MYH3: variants seen among roughly 807,000 people sequenced by gnomAD.
The protein encoded by MYH3 is myosin heavy chain 3.
Under a neutral mutation model 238.0 loss-of-function variants are expected in MYH3, and 130 were observed. The ratio of observed to expected loss-of-function variants is 0.55; its 90% CI spans 0.47 to 0.63. The LOEUF (loss-of-function observed/expected upper bound fraction) is 0.63. MYH3 is among the 30% of genes least tolerant of loss of function. The probability of loss-of-function intolerance (pLI) is 0.00; values close to 1 mark genes in which losing one functional copy is unlikely to be tolerated. For missense variants in MYH3, 1,853 were observed against 2,374.9 expected, an observed-to-expected ratio of 0.78 and a Z score of 4.57; for synonymous variants, 880 against 924.1, an observed-to-expected ratio of 0.95 and a Z score of 0.86.
Position 10,633,687 on chromosome 17 carries a change from A to G in MYH3, c.4551T>C (p.Ile1517=), listed in dbSNP as rs760603613. 9.9e-6 allele frequency: 16 copies of G among 1,613,936 alleles called. No individual in the cohort carries two copies. The Admixed American group carries it at 2.3e-4, about 24-fold the overall frequency. Residue 1517 remains isoleucine (I), a synonymous_variant, in exon 33 of 41, where the codon ATT becomes ATC. Coordinates refer to ENST00000583535, the MANE Select transcript of MYH3 (RefSeq NM_002470.4). The part of the protein sequence containing the change: ...EQEIADLTEQ[I]AENGKTIHEL... ...CATGGATGGTTTTGCCATTTTCAGCAATTTGTTCTGTGAGATCTGCTATCT... is the reference window on the plus strand; with the variant it reads ...CATGGATGGTTTTGCCATTTTCAGCGATTTGTTCTGTGAGATCTGCTATCT...
At position 10,631,868 on chromosome 17, in the gene MYH3, A is replaced by G. The variant is rs144771730; in HGVS notation, c.5105T>C (p.Leu1702Pro). Reference protein sequence around the residue: ...TLEQTERARKLAEQELLDSNE... With the variant: ...TLEQTERARKPAEQELLDSNE... ...GGAGTCCAGGAGCTCCTGTTCCGCCAGTTTCCGGGCCCTCTCCGTCTGCTC... is the reference window on the plus strand; with the variant it reads ...GGAGTCCAGGAGCTCCTGTTCCGCCGGTTTCCGGGCCCTCTCCGTCTGCTC... The change falls in exon 35 of 41, where the codon CTG becomes CCG. Residue 1702 changes from leucine to proline, a missense_variant. Coordinates refer to ENST00000583535, the MANE Select transcript of MYH3 (RefSeq NM_002470.4). 1.9e-6 allele frequency: 3 copies of G among 1,613,926 alleles called. No individual in the cohort carries two copies. The highest frequency in any genetic ancestry group is 2.7e-5 in the African/African-American group (2 of 74,870).
At chr17:10,630,785 A>C (rs971923141) in intron 36 of MYH3, among the ~76,000 whole-genome samples, 1 of 151,692 alleles carries the variant, frequency 6.6e-6, no homozygotes, top group African/African-American at 2.4e-5. Flanking sequence ...CAGGAGGAGG[A>C]GGTTGCAGTG....
chr17:10,644,746 G>T, intron 12 of MYH3, 44 bp from the exon 13 acceptor site: 1 of 1,456,512 alleles, frequency 6.9e-7, no homozygotes, highest in African/African-American at 1.4e-5. Flanking sequence ...TAGAAGAGCT[G>T]CTTTGAAAAT....
In MYH3 at chr17:10,642,170, G is replaced by T; in HGVS notation, c.1959+70C>A. The T allele has an allele frequency of 7.2e-7, 1 of 1,391,948 alleles. No homozygotes were observed. The allele number at this position is 1,391,948 out of a possible 1,614,324, so 86.2% of individuals were successfully genotyped here. A position where few individuals can be genotyped will look rare whatever the true frequency, so the allele number is the denominator to read the frequency against. On this transcript the variant is annotated intron_variant, in intron 17 of 40. Transcript: ENST00000583535. This position sits in a 1 kb window ranked among gnomAD's most constrained non-coding sequence, Gnocchi z 5.4. Reference sequence around the variant, plus strand: ...ACTACTCTCAAATAAATCAAGCTTAGAATCTCAGCATTGCTCATTTAGATG... The same window carrying T: ...ACTACTCTCAAATAAATCAAGCTTATAATCTCAGCATTGCTCATTTAGATG...
At chr17:10,669,454 G>A in the MYH3 span, among the ~76,000 whole-genome samples, 2 of 151,820 alleles carry the variant, frequency 1.3e-5, no homozygotes, top group Non-Finnish European at 2.9e-5. Flanking sequence ...TCAGGAGGCT[G>A]AGGCAGGAAG....
chr17:10,641,555 C>G (rs1197499254), intron 17 of MYH3, among the ~76,000 whole-genome samples, 183 bp from the exon 18 acceptor site: 7 of 144,732 alleles, frequency 4.8e-5, no homozygotes, highest in Admixed American at 4.2e-4. Flanking sequence ...CGCTCTGTCA[C>G]CCATGCTGGA....
At chr17:10,647,116 C>T (rs1442668862) in intron 10 of MYH3, 66 bp downstream of exon 10, 3 of 1,162,904 alleles carry the variant, frequency 2.6e-6, no homozygotes, top group Non-Finnish European at 2.6e-6. Context: ...GTAGATACAA[C>T]TCTCCTTGGT....
At chr17:10,648,412 A>G in intron 8 of MYH3, 145 bp downstream of exon 8, 1 of 777,830 alleles carries the variant, frequency 1.3e-6, no homozygotes. Flanking sequence ...CTTGGTCTGA[A>G]TTTATCTTTA....
intron 2 of MYH3, 147 bp from the exon 3 acceptor site, chr17:10,655,219 T>C: frequency 1.4e-6 from 1 of 705,800 alleles, no homozygotes. Context: ...TCCTCATGCC[T>C]TGAGAAGCTC....
At chr17:10,660,020 G>C (rs754758546), upstream of MYH3, among the ~76,000 whole-genome samples, 2 of 152,264 alleles carry the variant, frequency 1.3e-5, no homozygotes, top group Non-Finnish European at 2.9e-5. Context: ...GTCGGAGCAG[G>C]AGGAGCATGG....
Position 10,641,280 on chromosome 17 carries a change from C to T in MYH3, c.2047+5G>A, listed in dbSNP as rs1197800334. On this transcript the variant is annotated splice_donor_5th_base_variant and intron_variant, in intron 18 of 40. Transcript: ENST00000583535. ...CACCACCTAGCGAGCCAGCAGGTGT[C>T]TCACCTGGAGTTTTGGTTTCATTGG... The T allele has an allele frequency of 6.2e-7, 1 of 1,610,436 alleles. No homozygotes were observed. Among genetic ancestry groups the T allele is most frequent in the Non-Finnish European group, 8.5e-7 (1 of 1,176,862 alleles).
In MYH3 at chr17:10,639,402, G is replaced by A; in HGVS notation, c.2998C>T (p.Leu1000Phe). The A allele has an allele frequency of 6.2e-7, 1 of 1,614,102 alleles. No homozygotes were observed. Among genetic ancestry groups the A allele is most frequent in the Non-Finnish European group, 8.5e-7 (1 of 1,180,014 alleles). ...AAGGCCTGCTGGTGCGCCTCTTGGAGGGCCTTCTTCTCTCTGGTTAACTTT... is the reference window on the plus strand; with the variant it reads ...AAGGCCTGCTGGTGCGCCTCTTGGAAGGCCTTCTTCTCTCTGGTTAACTTT... ...IAKLTREKKA[L>F]QEAHQQALDD... Residue 1000 changes from leucine to phenylalanine, a missense_variant, in exon 24 of 41, where the codon CTC (leucine) becomes TTC (phenylalanine). Transcript: ENST00000583535.
At chr17:10,636,390 G>A (rs181863980) in intron 28 of MYH3, among the ~76,000 whole-genome samples, 42 of 150,992 alleles carry the variant, frequency 2.8e-4, no homozygotes, top group African/African-American at 9.2e-4. Context: ...AAATGTAAAC[G>A]TTACCAGGAG....
At chr17:10,634,727 G>A in intron 31 of MYH3, 113 bp downstream of exon 31, 1 of 1,329,666 alleles carries the variant, frequency 7.5e-7, no homozygotes, top group South Asian at 1.2e-5. Context: ...ACTTGCCCAA[G>A]GCCACACTGC....
the MYH3 span, among the ~76,000 whole-genome samples, chr17:10,671,612 T>C: frequency 3.6e-5 from 5 of 139,638 alleles, no homozygotes; most frequent in Non-Finnish European, 7.6e-5. Context: ...AGAGTCTAGC[T>C]CTTGTCGCCC....
intron 40 of MYH3, 34 bp downstream of exon 40, chr17:10,629,563 C>T (rs1424110972): frequency 6.2e-7 from 1 of 1,611,604 alleles, no homozygotes; most frequent in Non-Finnish European, 8.5e-7. Context: ...TCTACAGTCC[C>T]TGGGGGGGGG....
At chr17:10,657,204 G>T in intron 1 of MYH3, 85 bp downstream of exon 1, 1 of 152,736 alleles carries the variant, frequency 6.5e-6, no homozygotes, top group Non-Finnish European at 1.5e-5. Context: ...GGCAGGGCCA[G>T]GGAACCACGC....
In MYH3 at chr17:10,645,767, C is replaced by T. The variant is rs1231980615; in HGVS notation, c.1081G>A (p.Gly361Arg). The T allele has an allele frequency of 5.0e-6, 8 of 1,613,668 alleles. No homozygotes were observed. Among genetic ancestry groups the T allele is most frequent in the Admixed American group, 1.7e-5 (1 of 59,960 alleles). Reference protein sequence around the residue: ...YKLTGAVMHYGNMKFKQKQRE... With the variant: ...YKLTGAVMHYRNMKFKQKQRE... ...TGCTTCTGCTTGAACTTCATGTTCC[C>T]GTAGTGCATCACGGCTCCCGTCAGC... Residue 361 changes from glycine (G) to arginine (R), a missense_variant, in exon 12 of 41, where the codon GGG (glycine) becomes AGG (arginine). This residue lies in a region of MYH3 where 678 missense variants were observed against 1,058.9 expected (regional missense o/e 0.64). Coordinates refer to ENST00000583535, the MANE Select transcript of MYH3 (RefSeq NM_002470.4).
chr17:10,666,866 G>A, the MYH3 span, among the ~76,000 whole-genome samples: 1 of 152,072 alleles, frequency 6.6e-6, no homozygotes, highest in Non-Finnish European at 1.5e-5. Context: ...TAGAAGTTAC[G>A]AAGAAAAAGA....
Sources: gnomAD v4.1 joint callset for allele counts (sites outside exome capture counted in the v4.1 genomes callset) on GRCh38, gnomAD v4.1.1 for gene constraint, gnomAD v4.1.1 regional missense constraint, Gnocchi (gnomAD v3.1) non-coding constraint, MANE v1.5 for transcripts, NCBI Gene and HGNC (gene_info 2026-07-23, HGNC 2026-07-21) for gene names.